The following RNF112 variants were observed in gnomAD, a reference collection of about 807,000 sequenced individuals.
RNF112 encodes ring finger protein 112.
A neutral mutation model predicts 64.7 loss-of-function variants in RNF112; 34 were observed. The ratio of observed to expected loss-of-function variants is 0.53; its 90% CI spans 0.40 to 0.70. The LOEUF is 0.70. RNF112 is among the 30% of genes least tolerant of loss of function. The pLI is 0.00. For synonymous variants in RNF112, 345 were observed against 344.5 expected (o/e 1.00, Z -0.02); for missense variants, 734 against 850.0 (o/e 0.86, Z 1.70).
rs774004845 is a variant in RNF112 at position 19,412,772 on chromosome 17, C to G, written c.370C>G (p.Pro124Ala). The G allele has an allele frequency of 5.0e-6, 8 of 1,611,600 alleles. No individual in the cohort carries two copies. The highest frequency in any genetic ancestry group is 1.3e-5 in the African/African-American group (1 of 74,772). ...GCTCCTGCCGCAGCGGCCGCTGCCC[C>G]CTGCACTGCAGGTCTGGGGACTGGG... The part of the protein sequence containing the change: ...MKLLPQRPLP[P>A]ALQETCPVRA... The change falls in exon 3 of 14, where the codon CCT (proline) becomes GCT (alanine). Residue 124 changes from proline to alanine, a missense_variant. Coordinates refer to ENST00000461366, the MANE Select transcript of RNF112 (RefSeq NM_007148.5). This position sits in a 1 kb window ranked among gnomAD's most constrained non-coding sequence, Gnocchi z 5.1.
chr17:19,413,331 T>G lies in RNF112; in HGVS notation c.640T>G (p.Cys214Gly), dbSNP rs778837807. The G allele has an allele frequency of 5.0e-6, 8 of 1,613,280 alleles. No homozygotes were observed. The South Asian group carries it at 8.8e-5, about 18-fold the overall frequency. Residue 214 changes from cysteine to glycine, a missense_variant, in exon 5 of 14, where the codon TGC (cysteine) becomes GGC (glycine). By Grantham distance (159) the Cys-to-Gly change is radical. Coordinates refer to ENST00000461366, the MANE Select transcript of RNF112 (RefSeq NM_007148.5). The surrounding 1 kb of genome is among the most constrained non-coding windows in gnomAD (Gnocchi z 5.9). Reference protein sequence around the residue: ...PRGGEASLQGCRWGANGLARG... With the variant: ...PRGGEASLQGGRWGANGLARG... Reference sequence around the variant, plus strand: ...AGGAGGAGAGGCATCCCTGCAGGGCTGCAGGTGGGGCGCCAATGGCCTCGC... The same window carrying G: ...AGGAGGAGAGGCATCCCTGCAGGGCGGCAGGTGGGGCGCCAATGGCCTCGC...
In RNF112 at chr17:19,415,621, G is replaced by T; in HGVS notation, c.1425+29G>T. 1 of 1,609,178 alleles carries T rather than the reference G, an allele frequency of 6.2e-7. No individual in the cohort carries two copies. The highest frequency in any genetic ancestry group is 8.5e-7 in the Non-Finnish European group (1 of 1,177,600). ...AGCCCCGGGGCTGCACGGGAGGCAG[G>T]TGTGGGCCGGGCAGGGTCCAGATCA... On this transcript the variant is annotated intron_variant, in intron 13 of 13. Transcript: ENST00000461366. This position sits in a 1 kb window ranked among gnomAD's most constrained non-coding sequence, Gnocchi z 7.8.
chr17:19,412,335 C>T lies in RNF112; in HGVS notation c.96-163C>T, dbSNP rs1164403651. 6.6e-6 allele frequency among the ~76,000 whole-genome samples: 1 copy of T among 152,160 alleles called. No individual in the cohort carries two copies. The highest frequency in any genetic ancestry group is 1.5e-5 in the Non-Finnish European group (1 of 68,028). On this transcript the variant is annotated intron_variant, in intron 2 of 13. Transcript: ENST00000461366. The surrounding 1 kb of genome is among the most constrained non-coding windows in gnomAD (Gnocchi z 5.1). ...CAGTGAGGAACGGGCAGAGCTTGGC[C>T]TCTCTGGGAGCAGCTCCGCCTGTCC...
chr17:19,415,316 C>T lies in RNF112; in HGVS notation c.1327C>T (p.Pro443Ser), dbSNP rs1197502633. The change falls in exon 12 of 14, where the codon CCC becomes TCC. Residue 443 changes from proline to serine, a missense_variant. By Grantham distance (74) the Pro-to-Ser change is moderately conservative. Coordinates refer to ENST00000461366, the MANE Select transcript of RNF112 (RefSeq NM_007148.5). This position sits in a 1 kb window ranked among gnomAD's most constrained non-coding sequence, Gnocchi z 7.8. The part of the protein sequence containing the change: ...NLSGWMGRTG[P>S]GFTSPDEMAA... Reference sequence around the variant, plus strand: ...CTCAGGATGGATGGGGAGGACAGGGCCCGGTTTCACCTCTCCGGATGAGGT... The same window carrying T: ...CTCAGGATGGATGGGGAGGACAGGGTCCGGTTTCACCTCTCCGGATGAGGT... The T allele has an allele frequency of 6.2e-7, 1 of 1,608,938 alleles. No homozygotes were observed. The highest frequency in any genetic ancestry group is 8.5e-7 in the Non-Finnish European group (1 of 1,177,580).
rs2152299416 is a variant in RNF112 at position 19,413,556 on chromosome 17, C to T, written c.721-21C>T. On this transcript the variant is annotated intron_variant, in intron 5 of 13. Coordinates refer to ENST00000461366, the MANE Select transcript of RNF112 (RefSeq NM_007148.5). This position sits in a 1 kb window ranked among gnomAD's most constrained non-coding sequence, Gnocchi z 5.9. The stretch of plus-strand genomic sequence containing the variant: ...ACAAGGCAGGCCTGGCCCCTTGGGT[C>T]TTTCCCTACCCCCTGCATAGGTGGC... 1.2e-6 allele frequency: 2 copies of T among 1,607,474 alleles called. No homozygotes were observed. The highest frequency in any genetic ancestry group is 2.2e-5 in the South Asian group (2 of 90,256).
At position 19,414,277 on chromosome 17, in the gene RNF112, G is replaced by A. The variant is rs8077073; in HGVS notation, c.876+132G>A. 7,049 of 1,115,294 alleles carry A rather than the reference G, an allele frequency of 6.3e-3. 179 individuals are homozygous for A. The highest frequency in any genetic ancestry group is 0.054 in the South Asian group (3,887 of 72,020). 69.1% of individuals were successfully genotyped at this position (1,115,294 alleles called of 1,614,324 possible). A position where few individuals can be genotyped will look rare whatever the true frequency, so the allele number is the denominator to read the frequency against. The stretch of plus-strand genomic sequence containing the variant: ...ACTTGAACAGGGTTGAAGGGGGAGG[G>A]TGGAGAGTAAAGCAAGAGATGTGTG... On this transcript the variant is annotated intron_variant, in intron 7 of 13. Coordinates refer to ENST00000461366, the MANE Select transcript of RNF112 (RefSeq NM_007148.5).
chr17:19,413,200 TG>T lies in RNF112; in HGVS notation c.588+61del. The stretch of plus-strand genomic sequence containing the variant: ...GGGAGCAAGGATGGGGGTTCCTGCC[TG>T]GGGGAAGCTGGGTCTGGTATTCCGG... On this transcript the variant is annotated intron_variant, in intron 4 of 13. Coordinates refer to ENST00000461366, the MANE Select transcript of RNF112 (RefSeq NM_007148.5). The surrounding 1 kb of genome is among the most constrained non-coding windows in gnomAD (Gnocchi z 5.9). 1 of 1,595,764 alleles carries T rather than the reference TG, an allele frequency of 6.3e-7. No individual in the cohort carries two copies. The highest frequency in any genetic ancestry group is 1.1e-5 in the South Asian group (1 of 88,918).
intron 7 of RNF112, 47 bp downstream of exon 7, chr17:19,414,192 C>A (rs375499619): frequency 2.8e-5 from 44 of 1,550,018 alleles, no homozygotes; most frequent in Non-Finnish European, 3.8e-5. Flanking sequence ...CCACCCTCCC[C>A]ACTAGGGCTG....
chr17:19,414,190 C>T, intron 7 of RNF112, 45 bp downstream of exon 7: 1 of 1,550,748 alleles, frequency 6.4e-7, no homozygotes, highest in Middle Eastern at 1.9e-4. Context: ...CCCCACCCTC[C>T]CCACTAGGGC....
Position 19,414,673 on chromosome 17 carries a change from A to C in RNF112, c.1008+13A>C. 6.2e-7 allele frequency: 1 copy of C among 1,610,638 alleles called. No individual in the cohort carries two copies. Among genetic ancestry groups the C allele is most frequent in the Non-Finnish European group, 8.5e-7 (1 of 1,179,128 alleles). On this transcript the variant is annotated intron_variant, in intron 9 of 13. Coordinates refer to ENST00000461366, the MANE Select transcript of RNF112 (RefSeq NM_007148.5). ...CAACATCTTCCAGGTGAGTGGTGCAAGGGGATGGGGTGGAGGGGCCATGGA... is the reference window on the plus strand; with the variant it reads ...CAACATCTTCCAGGTGAGTGGTGCACGGGGATGGGGTGGAGGGGCCATGGA...
At position 19,415,173 on chromosome 17, in the gene RNF112, T is replaced by G. The variant is rs1422268321; in HGVS notation, c.1262T>G (p.Leu421Arg). The change falls in exon 11 of 14, where the codon CTA becomes CGA. Residue 421 changes from leucine to arginine, a missense_variant. Leu to Arg is a moderately radical substitution (Grantham distance 102). Coordinates refer to ENST00000461366, the MANE Select transcript of RNF112 (RefSeq NM_007148.5). This position sits in a 1 kb window ranked among gnomAD's most constrained non-coding sequence, Gnocchi z 7.8. Reference protein sequence around the residue: ...GRAVARGDRRLLTGQQLAQEI... With the variant: ...GRAVARGDRRRLTGQQLAQEI... ...GCCGTGGCCAGGGGGGACAGACGCCTACTCACGGGGCAGCAGCTAGCTCAG... is the reference window on the plus strand; with the variant it reads ...GCCGTGGCCAGGGGGGACAGACGCCGACTCACGGGGCAGCAGCTAGCTCAG... The G allele has an allele frequency of 1.2e-5, 20 of 1,607,538 alleles. No homozygotes were observed. Among genetic ancestry groups the G allele is most frequent in the Non-Finnish European group, 1.5e-5 (18 of 1,178,452 alleles).
At position 19,415,229 on chromosome 17, in the gene RNF112, C is replaced by T. The variant is rs1913833144; in HGVS notation, c.1296+22C>T. On this transcript the variant is annotated intron_variant, in intron 11 of 13. Coordinates refer to ENST00000461366, the MANE Select transcript of RNF112 (RefSeq NM_007148.5). This position sits in a 1 kb window ranked among gnomAD's most constrained non-coding sequence, Gnocchi z 7.8. ...CAAGGTGTGAAAACTCCCTGGAGAC[C>T]CAGGCGACTCGGCTGGGCCCCTGCT... The T allele has an allele frequency of 1.3e-6, 2 of 1,599,774 alleles. No homozygotes were observed. The highest frequency in any genetic ancestry group is 3.7e-5 in the Admixed American group (2 of 54,444).
Position 19,415,339 on chromosome 17 carries a change from G to T in RNF112, c.1350G>T (p.Glu450Asp). ...GGCCCGGTTTCACCTCTCCGGATGA[G>T]GTATGAGCGCTGGGGGATCCAGCAT... ...RTGPGFTSPD[E>D]MAAQLHDLRK... is the part of the protein sequence containing the mutation. Residue 450 changes from glutamate to aspartate, a missense_variant and splice_region_variant, in exon 12 of 14, where the codon GAG (glutamate) becomes GAT (aspartate). Coordinates refer to ENST00000461366, the MANE Select transcript of RNF112 (RefSeq NM_007148.5). The surrounding 1 kb of genome is among the most constrained non-coding windows in gnomAD (Gnocchi z 7.8). The T allele has an allele frequency of 1.2e-6, 2 of 1,604,702 alleles. No individual in the cohort carries two copies. The highest frequency in any genetic ancestry group is 1.7e-6 in the Non-Finnish European group (2 of 1,175,402).
chr17:19,411,954 A>G (rs1598133496), intron 2 of RNF112: 8 of 557,396 alleles, frequency 1.4e-5, no homozygotes, highest in South Asian at 1.2e-4. Flanking sequence ...TCCCTGTAGC[A>G]TGGGGTTGTG....
rs1913661333 is a variant in RNF112, at chr17:19,411,639, CAG to C, written c.67_68del (p.Ser23LeufsTer67). The C allele has an allele frequency of 1.9e-6, 3 of 1,546,162 alleles. No individual in the cohort carries two copies. Among genetic ancestry groups the C allele is most frequent in the South Asian group, 2.4e-5 (2 of 84,294 alleles). On this transcript the variant is annotated frameshift_variant, in exon 2 of 14. Coordinates refer to ENST00000461366, the MANE Select transcript of RNF112 (RefSeq NM_007148.5). LOFTEE classifies it high-confidence loss of function. ...CHRLGKRERK[Q>X]SFMGNSGNSW... Reference sequence around the variant, plus strand: ...TTTTTTTTTCTCCAAGGAGAGAAAACAGAGCTTCATGGGAAACAGCGGCAACA... The same window carrying C: ...TTTTTTTTTCTCCAAGGAGAGAAAACAGCTTCATGGGAAACAGCGGCAACA...
In RNF112 at chr17:19,413,700, G is replaced by A. The variant is rs537371223; in HGVS notation, c.825+19G>A. ...CTACCAGGTGATGGGGGGCGCTGAT[G>A]TTGGCATCCCCACCCCACACACCCT... On this transcript the variant is annotated intron_variant, in intron 6 of 13. Transcript: ENST00000461366. The surrounding 1 kb of genome is among the most constrained non-coding windows in gnomAD (Gnocchi z 5.9). 1.9e-6 allele frequency: 3 copies of A among 1,549,750 alleles called. No homozygotes were observed. In the East Asian group the frequency reaches 6.9e-5, roughly 36 times the overall value.
Position 19,412,949 on chromosome 17 carries a change from T to G in RNF112, c.393T>G (p.Pro131=), listed in dbSNP as rs1913716761. ...TTCTCCTGGCCCAGGAGACGTGTCC[T>G]GTGAGGGCGGAGCCGCTGCTGCTGG... ...PLPPALQETC[P]VRAEPLLLVR... The change falls in exon 4 of 14, where the codon CCT becomes CCG. Residue 131 remains proline, a synonymous_variant. Transcript: ENST00000461366. This position sits in a 1 kb window ranked among gnomAD's most constrained non-coding sequence, Gnocchi z 5.1. The G allele has an allele frequency of 1.3e-6, 2 of 1,594,174 alleles. No homozygotes were observed. The highest frequency in any genetic ancestry group is 1.7e-6 in the Non-Finnish European group (2 of 1,170,330).
chr17:19,414,295 G>C (rs1349865210), intron 7 of RNF112, 150 bp downstream of exon 7: 44 of 1,126,236 alleles, frequency 3.9e-5, no homozygotes, highest in Admixed American at 3.9e-5. Flanking sequence ...TAAAGCAAGA[G>C]ATGTGTGGTC....
chr17:19,416,099 C>A lies in RNF112; in HGVS notation c.1820C>A (p.Thr607Lys). ...GGGVGAGLAA[T>K]VGCMEKEEDE... The stretch of plus-strand genomic sequence containing the variant: ...GGCGTGGGTGCTGGGTTGGCTGCCA[C>A]AGTGGGCTGCATGGAGAAGGAGGAG... Residue 607 changes from threonine to lysine, a missense_variant, in exon 14 of 14, where the codon ACA becomes AAA. Transcript: ENST00000461366. 1 of 1,582,878 alleles carries A rather than the reference C, an allele frequency of 6.3e-7. No homozygotes were observed. The highest frequency in any genetic ancestry group is 2.3e-5 in the East Asian group (1 of 43,500).
Sources: gnomAD v4.1 joint callset for allele counts (sites outside exome capture counted in the v4.1 genomes callset) on GRCh38, gnomAD v4.1.1 for gene constraint, Gnocchi (gnomAD v3.1) non-coding constraint, MANE v1.5 for transcripts, NCBI Gene and HGNC (gene_info 2026-07-23, HGNC 2026-07-21) for gene names.